SMIM23: variants seen among roughly 807,000 people sequenced by gnomAD.
SMIM23 encodes small integral membrane protein 23.
In SMIM23, 10 loss-of-function variants were observed where a neutral mutation model predicts 12.8. That is an observed-to-expected ratio of 0.78 (90% CI 0.48 to 1.32). The LOEUF (loss-of-function observed/expected upper bound fraction) is 1.32, where lower values mean the gene tolerates loss of function less well. SMIM23 is among the 40% of genes most tolerant of loss of function. The pLI, the probability that SMIM23 is intolerant of heterozygous loss-of-function variation, is 0.00. For synonymous variants in SMIM23, 78 were observed against 80.1 expected (o/e 0.97, Z 0.14); for missense variants, 184 against 198.2 (o/e 0.93, Z 0.43).
rs985143085 is a variant in SMIM23 at position 171,785,845 on chromosome 5, T to C, written c.-27T>C. ...GTGCCCTTCTGTCTGTTGAGTGTGG[T>C]CCACCCAGGCAGCCAGATCTGAGGC... On this transcript the variant is annotated 5_prime_UTR_variant, in exon 1 of 4. Transcript: ENST00000523047. The C allele has an allele frequency of 6.6e-7, 1 of 1,524,944 alleles. No homozygotes were observed. Among genetic ancestry groups the C allele is most frequent in the African/African-American group, 1.4e-5 (1 of 72,750 alleles). The allele number at this position is 1,524,944 out of a possible 1,614,324, so 94.5% of individuals were successfully genotyped here. A position where few individuals can be genotyped will look rare whatever the true frequency, so the allele number is the denominator to read the frequency against.
At chr5:171,790,594 C>T (rs1755904586) in intron 3 of SMIM23, 45 bp downstream of exon 3, 1 of 1,515,548 alleles carries the variant, frequency 6.6e-7, no homozygotes, top group Non-Finnish European at 8.9e-7. Context: ...TCTGGGAAGG[C>T]TTTCCAGAGG....
chr5:171,781,557 C>A (rs985912704), upstream of SMIM23, among the ~76,000 whole-genome samples: 8 of 147,376 alleles, frequency 5.4e-5, no homozygotes, highest in Non-Finnish European at 1.0e-4. Context: ...GTCTCTAGAG[C>A]TGTTTTTCTT....
chr5:171,787,004 CTTTTTTTTTTTTTTTTTTTT>C (rs202159150), intron 1 of SMIM23, among the ~76,000 whole-genome samples: 7,898 of 71,898 alleles, frequency 0.11, 857 homozygotes, highest in African/African-American at 0.33. Context: ...CCATTGTTTC[CTTTTTTTTTTTTTTTTTTTT>C]TTTTTTTTTT....
In SMIM23 at chr5:171,790,287, C is replaced by T. The variant is rs934135419; in HGVS notation, c.157+6C>T. 3 of 1,535,990 alleles carry T rather than the reference C, an allele frequency of 2.0e-6. No homozygotes were observed. Among genetic ancestry groups the T allele is most frequent in the Non-Finnish European group, 2.6e-6 (3 of 1,146,814 alleles). On this transcript the variant is annotated splice_donor_region_variant and intron_variant, in intron 2 of 3. Coordinates refer to ENST00000523047, the MANE Select transcript of SMIM23 (RefSeq NM_001289970.2). ...CTTGAGCACAGAGATATGGGGTGAG[C>T]ATTCTGGAATCTGAGAAAGAAGGAA...
chr5:171,782,853 C>A (rs1275399824), upstream of SMIM23: 3 of 152,166 alleles, frequency 2.0e-5, no homozygotes, highest in African/African-American at 7.2e-5. Flanking sequence ...CCACTACCCA[C>A]AGAATTAATA....
chr5:171,790,209 C>T, intron 1 of SMIM23, 21 bp from the exon 2 acceptor site: 4 of 1,536,008 alleles, frequency 2.6e-6, no homozygotes, highest in Non-Finnish European at 3.5e-6. Flanking sequence ...TCTTCCTCCT[C>T]TTCCTCTTCT....
At chr5:171,785,508 C>G (rs2113648320), upstream of SMIM23, among the ~76,000 whole-genome samples, 1 of 152,088 alleles carries the variant, frequency 6.6e-6, no homozygotes, top group East Asian at 1.9e-4. Context: ...CTCAGCCTCC[C>G]AAAGTGCTAG....
chr5:171,788,171 C>A (rs1390563379), intron 1 of SMIM23, among the ~76,000 whole-genome samples: 5 of 133,562 alleles, frequency 3.7e-5, no homozygotes, highest in Admixed American at 3.4e-4. Flanking sequence ...CACACACACA[C>A]AAACACACAC....
chr5:171,790,483 A>G lies in SMIM23; in HGVS notation c.159A>G (p.Gly53=). 1 of 1,536,734 alleles carries G rather than the reference A, an allele frequency of 6.5e-7. No individual in the cohort carries two copies. The highest frequency in any genetic ancestry group is 8.7e-7 in the Non-Finnish European group (1 of 1,147,046). The part of the protein sequence containing the change: ...LVLYLSTEIW[G]SSWEVSERIR... ...AGGTGATGTTTGTGCCTGTTTCAGG[A>G]AGCAGTTGGGAGGTGTCAGAAAGGA... Residue 53 remains glycine, a splice_region_variant and synonymous_variant, in exon 3 of 4, where the codon GGA becomes GGG. Transcript: ENST00000523047.
chr5:171,773,367 A>G, the SMIM23 span, among the ~76,000 whole-genome samples: 1 of 31,176 alleles, frequency 3.2e-5, no homozygotes, highest in African/African-American at 3.6e-4. Flanking sequence ...GAGATGCACG[A>G]CCTTTGAGGT....
At chr5:171,776,959 T>C in the SMIM23 span, among the ~76,000 whole-genome samples, 1 of 152,128 alleles carries the variant, frequency 6.6e-6, no homozygotes, top group African/African-American at 2.4e-5. Context: ...GATTCATTTG[T>C]CTGCAGACAT....
chr5:171,783,362 CAA>C (rs1235421962), upstream of SMIM23, among the ~76,000 whole-genome samples: 5 of 152,134 alleles, frequency 3.3e-5, no homozygotes, highest in Non-Finnish European at 5.9e-5. Flanking sequence ...CAAAGAAAAA[CAA>C]AGTGGGAAAA....
At chr5:171,773,765 A>G in the SMIM23 span, 1 of 456,320 alleles carries the variant, frequency 2.2e-6, no homozygotes, top group Non-Finnish European at 4.4e-6. Flanking sequence ...ATGCAGGAAC[A>G]TAGGTCATTG....
At chr5:171,787,879 G>T (rs1755847102) in intron 1 of SMIM23, among the ~76,000 whole-genome samples, 1 of 152,006 alleles carries the variant, frequency 6.6e-6, no homozygotes, top group Non-Finnish European at 1.5e-5. Context: ...CTTTGTGTCT[G>T]ACTTCTTTCT....
At chr5:171,788,007 A>G (rs1195191364) in intron 1 of SMIM23, among the ~76,000 whole-genome samples, 2 of 151,976 alleles carry the variant, frequency 1.3e-5, no homozygotes, top group East Asian at 1.9e-4. Flanking sequence ...GAGGCAAGTT[A>G]GACACATCTT....
intron 1 of SMIM23, among the ~76,000 whole-genome samples, chr5:171,786,798 A>G (rs1755825953): frequency 6.6e-6 from 1 of 152,056 alleles, no homozygotes; most frequent in Non-Finnish European, 1.5e-5. Flanking sequence ...TTCCATAGAC[A>G]CCAGACCCCA....
rs1333811122 is a variant in SMIM23 at position 171,788,503 on chromosome 5, T to A, written c.106-1727T>A. ...CTTGACCTCTTTTCTTTATATATATTTTTTAAAAAGAATAAAAGAGGATTA... is the reference window on the plus strand; with the variant it reads ...CTTGACCTCTTTTCTTTATATATATATTTTAAAAAGAATAAAAGAGGATTA... On this transcript the variant is annotated intron_variant, in intron 1 of 3. Transcript: ENST00000523047. Among the ~76,000 whole-genome samples, 4 of 152,218 alleles carry A rather than the reference T, an allele frequency of 2.6e-5. No individual in the cohort carries two copies. In the South Asian group the frequency reaches 8.3e-4, roughly 32 times the overall value.
chr5:171,776,897 G>A, the SMIM23 span, among the ~76,000 whole-genome samples: 10 of 152,176 alleles, frequency 6.6e-5, no homozygotes, highest in Non-Finnish European at 2.9e-5. Context: ...GGCAGCTGAA[G>A]TCATGGGCGG....
At chr5:171,774,936 C>G in the SMIM23 span, among the ~76,000 whole-genome samples, 2 of 152,108 alleles carry the variant, frequency 1.3e-5, no homozygotes, top group Non-Finnish European at 2.9e-5. Context: ...CTCAGGAGAC[C>G]CCAGCTGTCT....
Sources: gnomAD v4.1 joint callset for allele counts (sites outside exome capture counted in the v4.1 genomes callset) on GRCh38, gnomAD v4.1.1 for gene constraint, MANE v1.5 for transcripts, NCBI Gene and HGNC (gene_info 2026-07-23, HGNC 2026-07-21) for gene names.